SEMA6D: variants seen among roughly 807,000 people sequenced by gnomAD.
SEMA6D encodes semaphorin 6D, also known as semaphorin-6D.
A neutral mutation model predicts 106.6 loss-of-function variants in SEMA6D; 35 were observed. That is an observed-to-expected ratio of 0.33 (90% CI 0.25 to 0.44). The LOEUF is 0.44. Among genes scored for constraint, SEMA6D ranks in the 20% least tolerant of loss-of-function variants. The probability of loss-of-function intolerance (pLI) is 1.00; values close to 1 mark genes in which losing one functional copy is unlikely to be tolerated. For synonymous variants in SEMA6D, 499 were observed against 487.7 expected, an observed-to-expected ratio of 1.02 and a Z score of -0.31; for missense variants, 1,185 against 1,345.9, an observed-to-expected ratio of 0.88 and a Z score of 1.87.
chr15:47,639,923 G>T (rs2144700403), intron 4 of SEMA6D, among the ~76,000 whole-genome samples: 1 of 152,238 alleles, frequency 6.6e-6, no homozygotes, highest in East Asian at 1.9e-4. Context: ...TGATTTTCTG[G>T]ATCGGATCCT....
At chr15:47,301,545 G>C (rs1412135983) in intron 1 of SEMA6D, among the ~76,000 whole-genome samples, 2 of 152,228 alleles carry the variant, frequency 1.3e-5, no homozygotes, top group Non-Finnish European at 2.9e-5. Context: ...TCCCTAGGCA[G>C]ATGTCCAGCT....
At chr15:47,363,624 G>C (rs1200539116) in intron 1 of SEMA6D, among the ~76,000 whole-genome samples, 1 of 152,148 alleles carries the variant, frequency 6.6e-6, no homozygotes, top group Admixed American at 6.5e-5. Flanking sequence ...GTGCTGACCA[G>C]GGGGCGATTT....
At chr15:47,696,129 G>C (rs72735842) in intron 4 of SEMA6D, among the ~76,000 whole-genome samples, 18 of 152,012 alleles carry the variant, frequency 1.2e-4, no homozygotes, top group African/African-American at 4.3e-4. Context: ...GTTGATGATG[G>C]ATTACCACGG....
At chr15:47,240,480 C>G (rs977010664) in intron 1 of SEMA6D, among the ~76,000 whole-genome samples, 2 of 152,156 alleles carry the variant, frequency 1.3e-5, no homozygotes, top group Admixed American at 6.5e-5. Context: ...CTCCTCCTTT[C>G]TTCATCTATG....
intron 1 of SEMA6D, among the ~76,000 whole-genome samples, chr15:47,282,125 A>G (rs1302957060): frequency 2.0e-5 from 3 of 152,266 alleles, no homozygotes; most frequent in African/African-American, 7.2e-5. Context: ...ATGTGTGCAT[A>G]TACATGTATA....
At chr15:47,241,898 T>C (rs1017670028) in intron 1 of SEMA6D, among the ~76,000 whole-genome samples, 2 of 152,108 alleles carry the variant, frequency 1.3e-5, no homozygotes, top group African/African-American at 4.8e-5. Flanking sequence ...TTTCCCTCCC[T>C]GTATTTCTGG....
chr15:47,503,314 T>C (rs1023912700), intron 3 of SEMA6D, among the ~76,000 whole-genome samples: 2 of 152,238 alleles, frequency 1.3e-5, no homozygotes, highest in Admixed American at 1.3e-4. Context: ...TCATTCCAAG[T>C]GTAAACTCTT....
intron 4 of SEMA6D, among the ~76,000 whole-genome samples, chr15:47,651,492 C>T (rs1397385867): frequency 6.6e-6 from 1 of 152,182 alleles, no homozygotes; most frequent in East Asian, 1.9e-4. Context: ...TAGCCTGATT[C>T]CTAATCCATT....
At chr15:47,592,840 C>G (rs1411007676) in intron 3 of SEMA6D, among the ~76,000 whole-genome samples, 9 of 152,090 alleles carry the variant, frequency 5.9e-5, no homozygotes, top group Admixed American at 5.9e-4. Context: ...TTGCTTTGCT[C>G]ATTATGAAAA....
At chr15:47,214,989 G>A (rs1359822647) in intron 1 of SEMA6D, among the ~76,000 whole-genome samples, 2 of 151,606 alleles carry the variant, frequency 1.3e-5, no homozygotes, top group African/African-American at 2.4e-5. Context: ...TTAAGAATGA[G>A]CATGATCTGT....
intron 1 of SEMA6D, among the ~76,000 whole-genome samples, chr15:47,245,327 A>G (rs924176697): frequency 6.6e-6 from 1 of 152,182 alleles, no homozygotes; most frequent in Admixed American, 6.6e-5. Context: ...AGCAGTGTAT[A>G]AGTGTTCCCT....
At chr15:47,514,878 A>G (rs185067215) in intron 3 of SEMA6D, among the ~76,000 whole-genome samples, 41 of 152,348 alleles carry the variant, frequency 2.7e-4, no homozygotes, top group Admixed American at 2.5e-3. Flanking sequence ...GATTAGAGAT[A>G]CAGAAGCTCA....
At chr15:47,356,600 T>C (rs1217336640) in intron 1 of SEMA6D, among the ~76,000 whole-genome samples, 2 of 151,454 alleles carry the variant, frequency 1.3e-5, no homozygotes, top group African/African-American at 4.8e-5. Flanking sequence ...CAAAGGTGTG[T>C]GTCATAGGAT....
At chr15:47,348,004 C>T (rs2038113791) in intron 1 of SEMA6D, among the ~76,000 whole-genome samples, 1 of 152,114 alleles carries the variant, frequency 6.6e-6, no homozygotes. Context: ...ACTCTTTGCC[C>T]TGTTTTTCTT....
chr15:47,658,739 A>T (rs1156851161), intron 4 of SEMA6D, among the ~76,000 whole-genome samples: 2 of 152,180 alleles, frequency 1.3e-5, no homozygotes, highest in East Asian at 3.8e-4. Flanking sequence ...CATTAAGAGT[A>T]GCAATTTGTA....
At chr15:47,664,997 G>T (rs1250143876) in intron 4 of SEMA6D, among the ~76,000 whole-genome samples, 2 of 152,140 alleles carry the variant, frequency 1.3e-5, no homozygotes, top group East Asian at 1.9e-4. Context: ...AGGTGGGGGG[G>T]CGTGGTTAAC....
intron 4 of SEMA6D, among the ~76,000 whole-genome samples, chr15:47,630,651 G>T (rs1232024237): frequency 6.6e-6 from 1 of 151,680 alleles, no homozygotes; most frequent in African/African-American, 2.4e-5. Flanking sequence ...AGTAGTAAGG[G>T]CAGATATTCT....
At chr15:47,762,807 T>C (rs950836716) in intron 8 of SEMA6D, among the ~76,000 whole-genome samples, 5 of 152,160 alleles carry the variant, frequency 3.3e-5, no homozygotes, top group Non-Finnish European at 7.4e-5. Flanking sequence ...TGTAGGTCTT[T>C]TTACAGTCCA....
At position 47,266,781 on chromosome 15, in the gene SEMA6D, T is replaced by G. The variant is rs111364878; in HGVS notation, c.-239+82363T>G. The stretch of plus-strand genomic sequence containing the variant: ...AGCCTATGTTCTTAGACATGCACTG[T>G]CTGGATTGGAATTTCTACCATGCTG... On this transcript the variant is annotated intron_variant, in intron 1 of 19. Coordinates refer to the SEMA6D transcript ENST00000558014. Among the ~76,000 whole-genome samples the G allele has an allele frequency of 5.8e-3, 877 of 152,150 alleles. 12 individuals carry two copies. Among genetic ancestry groups the G allele is most frequent in the African/African-American group, 0.019 (793 of 41,532 alleles).
Sources: allele counts gnomAD v4.1 joint callset (sites outside exome capture counted in the v4.1 genomes callset), GRCh38; gene constraint gnomAD v4.1.1; transcripts MANE v1.5; gene names NCBI Gene and HGNC (gene_info 2026-07-23, HGNC 2026-07-21).